The following TLR6 variants were observed in gnomAD, a reference collection of about 807,000 sequenced individuals.
TLR6 encodes the protein toll like receptor 6.
Under a neutral mutation model 16.1 loss-of-function variants are expected in TLR6, and 9 were observed. That is an observed-to-expected ratio of 0.56 (90% CI 0.34 to 0.98). The LOEUF is 0.98. TLR6 is among the 50% of genes least tolerant of loss of function. TLR6 has a pLI of 0.02. For missense variants in TLR6, 786 were observed against 921.0 expected, an observed-to-expected ratio of 0.85 and a Z score of 1.90; for synonymous variants, 340 against 338.6, an observed-to-expected ratio of 1.00 and a Z score of -0.04.
chr4:38,835,719 G>C (rs865900042), intron 1 of TLR6, among the ~76,000 whole-genome samples: 6 of 152,072 alleles, frequency 3.9e-5, no homozygotes, highest in Non-Finnish European at 4.4e-5. Context: ...CATATCTTAG[G>C]CCACAAAACA....
At chr4:38,842,231 G>A (rs942182730) in intron 1 of TLR6, among the ~76,000 whole-genome samples, 1 of 152,156 alleles carries the variant, frequency 6.6e-6, no homozygotes, top group African/African-American at 2.4e-5. Context: ...CCAAAGCCCT[G>A]TGGAATATGA....
Position 38,827,127 on chromosome 4 carries a change from T to C in TLR6, c.2347A>G (p.Met783Val), listed in dbSNP as rs5743822. ...TTTTCAGTGACTAGTGTTAATTTCA[T>C]ATTAAAAGCGGCTCTAATGTTAGCC... is the stretch of plus-strand genomic sequence containing the variant. The change falls in exon 2 of 2, where the codon ATG (methionine) becomes GTG (valine). Residue 783 changes from methionine (M) to valine (V), a missense_variant. Physicochemically the swap from Met to Val is conservative, Grantham distance 21 (BLOSUM62 1). Coordinates refer to ENST00000436693, the Ensembl canonical transcript of TLR6. 6.4e-5 allele frequency: 103 copies of C among 1,605,054 alleles called. No homozygotes were observed. The Admixed American group carries it at 1.4e-3, about 22-fold the overall frequency.
chr4:38,823,604 G>C (rs2109394614), downstream of TLR6: 1 of 152,324 alleles, frequency 6.6e-6, no homozygotes, highest in African/African-American at 2.4e-5. Context: ...ATTGGACGGG[G>C]GAATGAGAAG....
chr4:38,836,864 T>C (rs184821315), intron 1 of TLR6, among the ~76,000 whole-genome samples: 96 of 150,342 alleles, frequency 6.4e-4, no homozygotes, highest in Non-Finnish European at 1.1e-3. Flanking sequence ...CACTTGAACC[T>C]GGGAGGCAGA....
In TLR6 at chr4:38,828,278, G is replaced by A. The variant is rs138968705; in HGVS notation, c.1196C>T (p.Thr399Met). 6.4e-5 allele frequency: 103 copies of A among 1,613,518 alleles called. 1 individual carries two copies. The African/African-American group carries it at 6.7e-4, about 10-fold the overall frequency. ...TATTTCCAAAGAAGGCATATCCTTC[G>A]TCATGAGACCTACTTTGAAAAGGTC... The change falls in exon 2 of 2, where the codon ACG becomes ATG. Residue 399 changes from threonine (T) to methionine (M), a missense_variant. Thr to Met is a moderately conservative substitution (Grantham distance 81). Coordinates refer to ENST00000436693, the Ensembl canonical transcript of TLR6.
chr4:38,862,848 G>A, the TLR6 span, among the ~76,000 whole-genome samples: 1 of 144,532 alleles, frequency 6.9e-6, no homozygotes, highest in African/African-American at 2.6e-5. Flanking sequence ...GCCCGTCTTG[G>A]CCTCCCAAAG....
At chr4:38,829,839 A>G (rs755012627) in intron 1 of TLR6, among the ~76,000 whole-genome samples, 2 of 152,236 alleles carry the variant, frequency 1.3e-5, no homozygotes, top group Non-Finnish European at 1.5e-5. Flanking sequence ...TCAGGGCTGG[A>G]ACAGCCTTCT....
chr4:38,839,310 T>TA (rs57901685), intron 1 of TLR6, among the ~76,000 whole-genome samples: 11 of 151,642 alleles, frequency 7.3e-5, no homozygotes, highest in Admixed American at 3.3e-4. Context: ...GATTTTTTTT[T>TA]AAAAAAAATT....
intron 1 of TLR6, among the ~76,000 whole-genome samples, chr4:38,831,826 T>C (rs1711598528): frequency 6.6e-6 from 1 of 152,222 alleles, no homozygotes; most frequent in Admixed American, 6.5e-5. Flanking sequence ...ATTACACTTA[T>C]GAGAATGGGT....
chr4:38,847,624 C>T lies in TLR6; in HGVS notation c.-65+9137G>A, dbSNP rs1712585293. ...TCCAACGGTCTTAGCAAACGGCATA[C>T]CAGGAGATTATATCCCGCACCTGGC... On this transcript the variant is annotated intron_variant, in intron 1 of 1. Coordinates refer to ENST00000436693, the Ensembl canonical transcript of TLR6. Among the ~76,000 whole-genome samples the T allele has an allele frequency of 2.0e-5, 3 of 152,214 alleles. No individual in the cohort carries two copies. In the South Asian group the frequency reaches 6.2e-4, roughly 31 times the overall value.
At chr4:38,843,360 A>T (rs901204019) in intron 1 of TLR6, among the ~76,000 whole-genome samples, 4 of 152,214 alleles carry the variant, frequency 2.6e-5, no homozygotes, top group African/African-American at 9.6e-5. Flanking sequence ...TTGCAGGGAT[A>T]ATTGAGAGCA....
chr4:38,825,465 G>A (rs1341859087), exon 2 of TLR6: 4 of 152,194 alleles, frequency 2.6e-5, no homozygotes, highest in African/African-American at 9.6e-5. Flanking sequence ...ACAAAGAGGA[G>A]CAGATCTTCC....
At chr4:38,826,205 A>G (rs1727539513) in exon 2 of TLR6, 1 of 152,288 alleles carries the variant, frequency 6.6e-6, no homozygotes, top group African/African-American at 2.4e-5. Context: ...CCTATGGCCT[A>G]GAACCTCCGC....
the TLR6 span, chr4:38,868,252 C>T: frequency 6.3e-6 from 1 of 158,396 alleles, no homozygotes; most frequent in African/African-American, 2.4e-5. Flanking sequence ...CAGAGGTGGG[C>T]TGCAGGGTCC....
chr4:38,828,150 C>A, exon 2 of TLR6: 2 of 1,614,196 alleles, frequency 1.2e-6, no homozygotes, highest in African/African-American at 1.3e-5. Context: ...AAAACAGAGT[C>A]AGTAAGCATA....
intron 1 of TLR6, among the ~76,000 whole-genome samples, chr4:38,830,917 A>C (rs1007576816): frequency 4.6e-5 from 7 of 152,194 alleles, no homozygotes; most frequent in Admixed American, 3.9e-4. Flanking sequence ...AAGCAAATGG[A>C]AAGAGATTGT....
intron 1 of TLR6, among the ~76,000 whole-genome samples, chr4:38,841,757 G>T (rs890794940): frequency 6.6e-6 from 1 of 152,202 alleles, no homozygotes; most frequent in Non-Finnish European, 1.5e-5. Flanking sequence ...GTTTGACAGT[G>T]TGGATGGCAG....
chr4:38,837,562 T>C (rs1711993529), intron 1 of TLR6, among the ~76,000 whole-genome samples: 1 of 152,200 alleles, frequency 6.6e-6, no homozygotes, highest in Non-Finnish European at 1.5e-5. Flanking sequence ...AGAATGAAAC[T>C]AGACCCCTAT....
At chr4:38,825,585 G>A (rs1276849919) in exon 2 of TLR6, 2 of 152,212 alleles carry the variant, frequency 1.3e-5, no homozygotes, top group African/African-American at 4.8e-5. Flanking sequence ...TTATTGGAGG[G>A]CCTTGAGTGT....
Sources: gnomAD v4.1 joint callset for allele counts (sites outside exome capture counted in the v4.1 genomes callset) on GRCh38, gnomAD v4.1.1 for gene constraint, MANE v1.5 for transcripts, NCBI Gene and HGNC (gene_info 2026-07-23, HGNC 2026-07-21) for gene names.